ADAM22: variants seen among roughly 807,000 people sequenced by gnomAD.
ADAM22 encodes the protein ADAM metallopeptidase domain 22, also known as disintegrin and metalloproteinase domain-containing protein 22.
Under a neutral mutation model 144.6 loss-of-function variants are expected in ADAM22, and 65 were observed. That is an observed-to-expected ratio of 0.45 (90% CI 0.37 to 0.55). The LOEUF (loss-of-function observed/expected upper bound fraction) is 0.55. ADAM22 is among the 20% of genes least tolerant of loss of function. The probability of loss-of-function intolerance (pLI) is 0.00; values close to 1 mark genes in which losing one functional copy is unlikely to be tolerated. For synonymous variants in ADAM22, 391 were observed against 412.6 expected (o/e 0.95, Z 0.63); for missense variants, 974 against 1,184.9 (o/e 0.82, Z 2.61).
intron 5 of ADAM22, among the ~76,000 whole-genome samples, chr7:88,109,551 G>C (rs960671094): frequency 1.3e-5 from 2 of 151,970 alleles, no homozygotes; most frequent in Non-Finnish European, 2.9e-5. Context: ...CCATCTTAGA[G>C]ATGTGGCTTT....
intron 5 of ADAM22, among the ~76,000 whole-genome samples, chr7:88,109,883 A>G (rs1270131007): frequency 6.6e-6 from 1 of 152,214 alleles, no homozygotes; most frequent in Non-Finnish European, 1.5e-5. Context: ...TTACACTGAC[A>G]GATCTTAAAT....
At chr7:87,953,027 C>G (rs557818402) in intron 2 of ADAM22, among the ~76,000 whole-genome samples, 68 of 151,952 alleles carry the variant, frequency 4.5e-4, no homozygotes, top group Non-Finnish European at 8.8e-4. Context: ...TTTGATTCAT[C>G]TCTTTTTCTT....
rs116893768 is a variant in ADAM22 at position 88,157,621 on chromosome 7, C to T, written c.1907+1615C>T. Among the ~76,000 whole-genome samples the T allele has an allele frequency of 1.0e-4, 14 of 134,776 alleles. No homozygotes were observed. In the East Asian group the frequency reaches 2.2e-3, roughly 21 times the overall value. 88.4% of individuals were successfully genotyped at this position (134,776 alleles called of 152,430 possible). A position where few individuals can be genotyped will look rare whatever the true frequency, so the allele number is the denominator to read the frequency against. On this transcript the variant is annotated intron_variant, in intron 22 of 31. Coordinates refer to ENST00000413139, the MANE Select transcript of ADAM22 (RefSeq NM_001324418.2). The stretch of plus-strand genomic sequence containing the variant: ...GAAACAACATACCACAAAGAGAGAC[C>T]GGGCAATCCCCAAGTGATAGTGAGG...
intron 3 of ADAM22, among the ~76,000 whole-genome samples, chr7:88,053,710 A>G (rs1585291548): frequency 6.6e-6 from 1 of 152,224 alleles, no homozygotes; most frequent in African/African-American, 2.4e-5. Flanking sequence ...CCATACTAAT[A>G]CATGTAGAAA....
chr7:88,077,540 C>A (rs570049505), intron 4 of ADAM22, among the ~76,000 whole-genome samples: 1 of 152,168 alleles, frequency 6.6e-6, no homozygotes, highest in Non-Finnish European at 1.5e-5. Flanking sequence ...CAAAGCAGTG[C>A]GAGGCATCGC....
intron 3 of ADAM22, among the ~76,000 whole-genome samples, chr7:87,993,686 T>G (rs748545040): frequency 7.2e-5 from 11 of 152,228 alleles, no homozygotes; most frequent in Non-Finnish European, 1.2e-4. Context: ...ACCTCTTCTC[T>G]GATAAATCAA....
chr7:88,083,775 G>A (rs1021258908), intron 4 of ADAM22, among the ~76,000 whole-genome samples: 1 of 152,024 alleles, frequency 6.6e-6, no homozygotes, highest in Non-Finnish European at 1.5e-5. Context: ...AATTATGCCT[G>A]TCTCTCCAGA....
intron 7 of ADAM22, among the ~76,000 whole-genome samples, chr7:88,118,643 C>A (rs13311588): frequency 0.059 from 2,019 of 33,944 alleles, 35 homozygotes; most frequent in African/African-American, 0.17. Context: ...CCTTATATAT[C>A]TATCTATCTA....
chr7:88,038,446 C>A (rs1283672605), intron 3 of ADAM22, among the ~76,000 whole-genome samples: 6 of 148,620 alleles, frequency 4.0e-5, no homozygotes, highest in Non-Finnish European at 9.0e-5. Context: ...TACATCTCTG[C>A]TATTCTTTTT....
chr7:88,012,038 C>CTTTTTTTTTTTTTTTTTTTT (rs35274305), intron 3 of ADAM22, among the ~76,000 whole-genome samples: 1 of 137,884 alleles, frequency 7.3e-6, no homozygotes, highest in Non-Finnish European at 1.6e-5. Flanking sequence ...GTTTTTTTTT[C>CTTTTTTTTTTTTTTTTTTTT]TTTTTTTTTT....
chr7:88,134,301 A>G (rs1341948228), intron 12 of ADAM22, 28 bp from the exon 13 acceptor site: 1 of 1,531,006 alleles, frequency 6.5e-7, no homozygotes, highest in African/African-American at 1.4e-5. Flanking sequence ...GGATTTACAT[A>G]TATTTTATTT....
intron 4 of ADAM22, among the ~76,000 whole-genome samples, chr7:88,097,221 G>A (rs572809948): frequency 4.6e-4 from 66 of 143,272 alleles, no homozygotes; most frequent in African/African-American, 1.7e-3. Context: ...GCACCATCTC[G>A]GCTCACTGCA....
chr7:88,142,824 C>A (rs1229104945), intron 14 of ADAM22, among the ~76,000 whole-genome samples: 1 of 148,564 alleles, frequency 6.7e-6, no homozygotes, highest in Non-Finnish European at 1.5e-5. Flanking sequence ...GGCGACAGAG[C>A]TAGACTCCGT....
rs1554373733 is a variant in ADAM22 at position 87,982,701 on chromosome 7, T to TATATAA, written c.323+4289_323+4290insATATAA. On this transcript the variant is annotated intron_variant, in intron 3 of 31. Transcript: ENST00000413139. ...TATATATATATATATATATATATAATTTTTTTTTTTGAGATACAGTTTTGC... is the reference window on the plus strand; with the variant it reads ...TATATATATATATATATATATATAATATATAATTTTTTTTTTGAGATACAGTTTTGC... Among the ~76,000 whole-genome samples the TATATAA allele has an allele frequency of 6.9e-3, 232 of 33,684 alleles. 5 individuals are homozygous for TATATAA. The highest frequency in any genetic ancestry group is 0.022 in the Middle Eastern group (1 of 46). The allele number at this position is 33,684 out of a possible 152,430, so 22.1% of individuals were successfully genotyped here.
intron 3 of ADAM22, among the ~76,000 whole-genome samples, chr7:88,016,287 G>A (rs114921582): frequency 2.3e-3 from 357 of 152,106 alleles, no homozygotes; most frequent in African/African-American, 8.3e-3. Context: ...ATTGTCATTT[G>A]GTTAGGGTCC....
At position 87,935,173 on chromosome 7, in the gene ADAM22, T is replaced by A; in HGVS notation, c.233T>A (p.Leu78His). 6.2e-7 allele frequency: 1 copy of A among 1,607,188 alleles called. No individual in the cohort carries two copies. The highest frequency in any genetic ancestry group is 8.5e-7 in the Non-Finnish European group (1 of 1,176,550). The change falls in exon 2 of 32, where the codon CTC (leucine) becomes CAC (histidine). Residue 78 changes from leucine (L) to histidine (H), a missense_variant. Transcript: ENST00000413139. The part of the protein sequence containing the change: ...DALDTRVRGD[L>H]GGPQLTHVDQ... ...CTCGACACGCGGGTGCGGGGCGACC[T>A]CGGTGGCCCGCAGGTGAGAGGCTCG...
At chr7:88,125,071 T>C (rs1452076246) in intron 7 of ADAM22, among the ~76,000 whole-genome samples, 1 of 152,022 alleles carries the variant, frequency 6.6e-6, no homozygotes, top group Non-Finnish European at 1.5e-5. Context: ...ATGTATAATT[T>C]TCACATCTGC....
intron 23 of ADAM22, among the ~76,000 whole-genome samples, chr7:88,164,366 C>T (rs1842473897): frequency 6.6e-6 from 1 of 151,762 alleles, no homozygotes; most frequent in South Asian, 2.1e-4. Context: ...AAATCAACAT[C>T]CAGATAATTT....
intron 3 of ADAM22, among the ~76,000 whole-genome samples, chr7:88,037,215 A>G (rs1230069455): frequency 6.6e-6 from 1 of 152,128 alleles, no homozygotes; most frequent in Non-Finnish European, 1.5e-5. Context: ...TACATTTTTT[A>G]TAGCCCAGTT....
Sources: gnomAD v4.1 joint callset for allele counts (sites outside exome capture counted in the v4.1 genomes callset) on GRCh38, gnomAD v4.1.1 for gene constraint, MANE v1.5 for transcripts, NCBI Gene and HGNC (gene_info 2026-07-23, HGNC 2026-07-21) for gene names.